The following ENAH variants were observed in gnomAD, a reference collection of about 807,000 sequenced individuals.
ENAH encodes the protein ENAH actin regulator.
A neutral mutation model predicts 78.7 loss-of-function variants in ENAH; 23 were observed. That is an observed-to-expected ratio of 0.29 (90% CI 0.21 to 0.41). ENAH has a LOEUF of 0.41. Ranked by LOEUF, ENAH falls within the 10% of genes least tolerant of loss-of-function variation. The pLI is 1.00. For missense variants in ENAH, 544 were observed against 691.0 expected (o/e 0.79, Z 2.39); for synonymous variants, 226 against 241.0 (o/e 0.94, Z 0.58).
intron 1 of ENAH, among the ~76,000 whole-genome samples, chr1:225,585,772 G>A (rs1368736642): frequency 6.6e-6 from 1 of 151,590 alleles, no homozygotes; most frequent in Non-Finnish European, 1.5e-5. Context: ...CTAGGAGACA[G>A]AGTGAGACCC....
intron 1 of ENAH, 36 bp downstream of exon 1, chr1:225,652,650 A>G: frequency 1.6e-6 from 2 of 1,265,774 alleles, no homozygotes; most frequent in South Asian, 2.7e-5. Context: ...CCGCGGCACA[A>G]TGGCCCGCCC....
intron 1 of ENAH, among the ~76,000 whole-genome samples, chr1:225,573,410 A>G (rs2096773217): frequency 6.6e-6 from 1 of 152,172 alleles, no homozygotes. Flanking sequence ...CCGAGTTCTC[A>G]GAGTATTCAT....
rs71170091 is a variant in ENAH, at chr1:225,558,627, CTTTTTTTTTT to C, written c.172-3554_172-3545del. On this transcript the variant is annotated intron_variant, in intron 2 of 13. Transcript: ENST00000366843. ...TGCTTTCTACTGCATTAATTTCTGCCTTTTTTTTTTTTTTTTTTTTTTTTGAGATGGAGTC... is the reference window on the plus strand; with the variant it reads ...TGCTTTCTACTGCATTAATTTCTGCCTTTTTTTTTTTTTTGAGATGGAGTC... Among the ~76,000 whole-genome samples the C allele has an allele frequency of 9.3e-3, 644 of 69,294 alleles. 13 individuals carry two copies. The highest frequency in any genetic ancestry group is 0.034 in the African/African-American group (605 of 17,904). The allele number at this position is 69,294 out of a possible 152,430, so 45.5% of individuals were successfully genotyped here.
At chr1:225,542,793 G>A (rs750929940) in intron 3 of ENAH, among the ~76,000 whole-genome samples, 4 of 152,110 alleles carry the variant, frequency 2.6e-5, no homozygotes, top group Non-Finnish European at 4.4e-5. Context: ...GACTGAGGCA[G>A]GACATTGAGG....
At chr1:225,517,509 T>C in intron 5 of ENAH, 1 of 1,551,612 alleles carries the variant, frequency 6.4e-7, no homozygotes, top group Non-Finnish European at 8.7e-7. Flanking sequence ...CATTGGGTGC[T>C]GTCGGTGATG....
chr1:225,652,726 G>C lies in ENAH; in HGVS notation c.-36C>G. 1.5e-6 allele frequency: 2 copies of C among 1,317,774 alleles called. No homozygotes were observed. Among genetic ancestry groups the C allele is most frequent in the South Asian group, 2.2e-5 (1 of 46,016 alleles). The allele number at this position is 1,317,774 out of a possible 1,614,324, so 81.6% of individuals were successfully genotyped here. On this transcript the variant is annotated 5_prime_UTR_variant, in exon 1 of 14. Transcript: ENST00000366843. Reference sequence around the variant, plus strand: ...GCGCAGAGGCTTCCCCACCAGCCGGGAGACGCAGAAGGCGCCGAGCCGAGG... The same window carrying C: ...GCGCAGAGGCTTCCCCACCAGCCGGCAGACGCAGAAGGCGCCGAGCCGAGG...
chr1:225,602,633 A>ATG (rs1158120063), intron 1 of ENAH, among the ~76,000 whole-genome samples: 1 of 152,112 alleles, frequency 6.6e-6, no homozygotes, highest in African/African-American at 2.4e-5. Flanking sequence ...ATATATATAT[A>ATG]TCAAAAACGT....
At position 225,489,240 on chromosome 1, in the gene ENAH, G is replaced by C. The variant is rs942409955; in HGVS notation, c.*8535C>G. The C allele has an allele frequency of 6.6e-6, 1 of 152,106 alleles. No individual in the cohort carries two copies. The highest frequency in any genetic ancestry group is 2.4e-5 in the African/African-American group (1 of 41,400). The allele number at this position is 152,106 out of a possible 1,614,324, so 9.4% of individuals were successfully genotyped here. ...TGGATCTCGTGTGGTCCCATTACAT[G>C]ATTGGAATCAGTCTTTCTGAACGGC... On this transcript the variant is annotated 3_prime_UTR_variant, in exon 14 of 14. Coordinates refer to ENST00000366843, the MANE Select transcript of ENAH (RefSeq NM_018212.6).
chr1:225,527,617 C>T (rs769677559), intron 4 of ENAH, among the ~76,000 whole-genome samples: 1 of 152,164 alleles, frequency 6.6e-6, no homozygotes, highest in Non-Finnish European at 1.5e-5. Context: ...AGAAAAATGA[C>T]AAATATCTCT....
chr1:225,490,903 C>A lies in ENAH; in HGVS notation c.*6872G>T, dbSNP rs1018773381. On this transcript the variant is annotated 3_prime_UTR_variant, in exon 14 of 14. Coordinates refer to ENST00000366843, the MANE Select transcript of ENAH (RefSeq NM_018212.6). ...TCATCACCTCAGACTCACTGTGATG[C>A]CCAACCACTGGCACTGGGGTGGCCT... 1.3e-5 allele frequency: 2 copies of A among 152,206 alleles called. No individual in the cohort carries two copies. Among genetic ancestry groups the A allele is most frequent in the Non-Finnish European group, 2.9e-5 (2 of 68,056 alleles). The allele number at this position is 152,206 out of a possible 1,614,324, so 9.4% of individuals were successfully genotyped here.
chr1:225,494,995 T>G lies in ENAH; in HGVS notation c.*2780A>C, dbSNP rs564218145. On this transcript the variant is annotated 3_prime_UTR_variant, in exon 14 of 14. Transcript: ENST00000366843. ...ATTAGTGTTTCATCTTCAGTTTTGA[T>G]TGACACTTGATGCTTGCAAATTTTT... is the stretch of plus-strand genomic sequence containing the variant. 3 of 152,672 alleles carry G rather than the reference T, an allele frequency of 2.0e-5. No homozygotes were observed. Among genetic ancestry groups the G allele is most frequent in the Non-Finnish European group, 4.4e-5 (3 of 68,040 alleles). The allele number at this position is 152,672 out of a possible 1,614,324, so 9.5% of individuals were successfully genotyped here.
At chr1:225,611,005 C>CTA (rs2148123159) in intron 1 of ENAH, among the ~76,000 whole-genome samples, 1 of 152,284 alleles carries the variant, frequency 6.6e-6, no homozygotes, top group Non-Finnish European at 1.5e-5. Context: ...CTATGTGATT[C>CTA]TATTCACATG....
intron 1 of ENAH, among the ~76,000 whole-genome samples, chr1:225,596,004 T>C (rs1233908378): frequency 6.6e-6 from 1 of 152,242 alleles, no homozygotes; most frequent in East Asian, 1.9e-4. Context: ...CCCTTTTGGT[T>C]AAAAATTTAG....
intron 1 of ENAH, among the ~76,000 whole-genome samples, chr1:225,616,295 C>G (rs1220565580): frequency 2.0e-5 from 3 of 151,184 alleles, no homozygotes; most frequent in African/African-American, 7.3e-5. Context: ...CCAAATCCCC[C>G]CTCCGAGAAA....
chr1:225,615,092 AGCGGAG>A (rs1407090119), intron 1 of ENAH, among the ~76,000 whole-genome samples: 42 of 151,708 alleles, frequency 2.8e-4, no homozygotes, highest in African/African-American at 9.2e-4. Context: ...TCTGATGCCG[AGCGGAG>A]GCTGGACTGT....
intron 1 of ENAH, among the ~76,000 whole-genome samples, chr1:225,615,325 G>A (rs55752939): frequency 0.016 from 2,406 of 152,304 alleles, 81 homozygotes; most frequent in African/African-American, 0.054. Flanking sequence ...GATTGCAGAC[G>A]GAGTCTCCCT....
chr1:225,611,963 C>A (rs534671994), intron 1 of ENAH, among the ~76,000 whole-genome samples: 1 of 152,074 alleles, frequency 6.6e-6, no homozygotes, highest in African/African-American at 2.4e-5. Flanking sequence ...AAATTAAAAC[C>A]CTCATCCACT....
intron 3 of ENAH, among the ~76,000 whole-genome samples, chr1:225,552,434 G>A (rs561037774): frequency 4.1e-4 from 63 of 152,074 alleles, no homozygotes; most frequent in African/African-American, 1.4e-3. Flanking sequence ...CACCGTGCCC[G>A]GCCCTGATTC....
intron 4 of ENAH, among the ~76,000 whole-genome samples, chr1:225,529,631 A>G (rs967665695): frequency 2.6e-5 from 4 of 151,990 alleles, no homozygotes; most frequent in Non-Finnish European, 2.9e-5. Flanking sequence ...CCTTCCCAAT[A>G]TAAGTACTTA....
Sources: allele counts gnomAD v4.1 joint callset (sites outside exome capture counted in the v4.1 genomes callset), GRCh38; gene constraint gnomAD v4.1.1; transcripts MANE v1.5; gene names NCBI Gene and HGNC (gene_info 2026-07-23, HGNC 2026-07-21).